Variants in ATP1B1 observed in about 807,000 individuals in gnomAD.
The protein encoded by ATP1B1 is ATPase Na+/K+ transporting subunit beta 1.
In ATP1B1, 3 loss-of-function variants were observed where a neutral mutation model predicts 39.6. That is an observed-to-expected ratio of 0.08 (90% CI 0.03 to 0.20). The LOEUF is 0.20. Among genes scored for constraint, ATP1B1 ranks in the 10% least tolerant of loss-of-function variants. The pLI is 1.00. For missense variants in ATP1B1, 216 were observed against 371.1 expected (o/e 0.58, Z 3.43); for synonymous variants, 139 against 135.0 (o/e 1.03, Z -0.20).
In ATP1B1 at chr1:169,116,081, G is replaced by A. The variant is rs150068364; in HGVS notation, c.226+4583G>A. On this transcript the variant is annotated intron_variant, in intron 2 of 5. Transcript: ENST00000367815. ...CGTGCATGCCCACGGACATGCAAGC[G>A]TGCACACACACGCATGCTCATGGAT... Among the ~76,000 whole-genome samples, 931 of 152,370 alleles carry A rather than the reference G, an allele frequency of 6.1e-3. 10 individuals are homozygous for A. The highest frequency in any genetic ancestry group is 0.021 in the African/African-American group (866 of 41,596).
intron 4 of ATP1B1, among the ~76,000 whole-genome samples, chr1:169,128,362 C>A (rs1658131801): frequency 6.6e-6 from 1 of 152,140 alleles, no homozygotes; most frequent in African/African-American, 2.4e-5. Context: ...TAATTTATTT[C>A]TACAATGCTT....
At chr1:169,116,997 A>G (rs141772813) in intron 2 of ATP1B1, among the ~76,000 whole-genome samples, 28 of 152,246 alleles carry the variant, frequency 1.8e-4, no homozygotes, top group African/African-American at 6.3e-4. Context: ...CCCGCAAACT[A>G]CCTCATACTT....
At chr1:169,121,828 T>C (rs2101786303) in intron 2 of ATP1B1, among the ~76,000 whole-genome samples, 1 of 152,336 alleles carries the variant, frequency 6.6e-6, no homozygotes, top group East Asian at 1.9e-4. Context: ...ATTTTGGCTT[T>C]TGCTGCATCC....
chr1:169,116,986 C>T (rs1482578917), intron 2 of ATP1B1, among the ~76,000 whole-genome samples: 1 of 152,146 alleles, frequency 6.6e-6, no homozygotes, highest in Non-Finnish European at 1.5e-5. Context: ...TTTTTCCACC[C>T]CCCGCAAACT....
At chr1:169,123,693 C>G (rs933270361) in intron 2 of ATP1B1, among the ~76,000 whole-genome samples, 1 of 151,378 alleles carries the variant, frequency 6.6e-6, no homozygotes, top group African/African-American at 2.4e-5. Context: ...GTGGCACGAT[C>G]TTGGCTCACT....
chr1:169,127,752 G>A (rs1476403029), intron 4 of ATP1B1, among the ~76,000 whole-genome samples: 1 of 151,076 alleles, frequency 6.6e-6, no homozygotes, highest in African/African-American at 2.4e-5. Context: ...TTCCCTGGTG[G>A]TCTAGTGGTT....
At chr1:169,111,297 T>C in intron 1 of ATP1B1, 73 bp from the exon 2 acceptor site, 1 of 1,586,432 alleles carries the variant, frequency 6.3e-7, no homozygotes, top group Non-Finnish European at 8.6e-7. Context: ...AGCTTGTTCA[T>C]CCGTGGGAAG....
At chr1:169,119,305 G>A (rs1271358089) in intron 2 of ATP1B1, among the ~76,000 whole-genome samples, 2 of 152,180 alleles carry the variant, frequency 1.3e-5, no homozygotes, top group Non-Finnish European at 2.9e-5. Flanking sequence ...ATGATATATA[G>A]CTTAAGGCAA....
chr1:169,121,730 G>C (rs1657983820), intron 2 of ATP1B1, among the ~76,000 whole-genome samples: 6 of 152,182 alleles, frequency 3.9e-5, no homozygotes, highest in Admixed American at 3.9e-4. Flanking sequence ...GTTTTACCAT[G>C]TTTACTCTCA....
chr1:169,125,546 T>A (rs1410942059), intron 3 of ATP1B1, among the ~76,000 whole-genome samples: 1 of 152,176 alleles, frequency 6.6e-6, no homozygotes, highest in Admixed American at 6.5e-5. Context: ...CAGCTGATCG[T>A]TTTGGATAAG....
chr1:169,107,149 G>A lies in ATP1B1; in HGVS notation c.97+223G>A, dbSNP rs1000430440. Among the ~76,000 whole-genome samples the A allele has an allele frequency of 5.2e-4, 79 of 152,348 alleles. 1 individual carries two copies. The highest frequency in any genetic ancestry group is 1.9e-3 in the African/African-American group (77 of 41,572). ...CAGGGTCGGGGCTGGAACACGACAG[G>A]CGGAAGGTTATGCATATCGTAGCGA... On this transcript the variant is annotated intron_variant, in intron 1 of 5. Coordinates refer to ENST00000367815, the MANE Select transcript of ATP1B1 (RefSeq NM_001677.4).
chr1:169,119,399 T>C (rs554501763), intron 2 of ATP1B1, among the ~76,000 whole-genome samples: 11 of 152,160 alleles, frequency 7.2e-5, no homozygotes, highest in Admixed American at 4.6e-4. Flanking sequence ...AGGGAAAAGG[T>C]TAGATTTGTT....
In ATP1B1 at chr1:169,123,637, G is replaced by GT. The variant is rs563719087; in HGVS notation, c.227-1236dup. ...TCTATCTATCTATCTATATATATAG[G>GT]TTTTTTTTTTTGAGATAGAGTCTCT... is the stretch of plus-strand genomic sequence containing the variant. On this transcript the variant is annotated intron_variant, in intron 2 of 5. Coordinates refer to ENST00000367815, the MANE Select transcript of ATP1B1 (RefSeq NM_001677.4). Among the ~76,000 whole-genome samples, 1,274 of 144,610 alleles carry GT rather than the reference G, an allele frequency of 8.8e-3. 15 individuals carry two copies. Among genetic ancestry groups the GT allele is most frequent in the African/African-American group, 0.028 (1,114 of 39,706 alleles). 94.9% of individuals were successfully genotyped at this position (144,610 alleles called of 152,430 possible). A position where few individuals can be genotyped will look rare whatever the true frequency, so the allele number is the denominator to read the frequency against.
intron 4 of ATP1B1, among the ~76,000 whole-genome samples, chr1:169,128,957 C>G (rs1215736474): frequency 1.3e-5 from 2 of 152,198 alleles, no homozygotes; most frequent in Non-Finnish European, 2.9e-5. Flanking sequence ...CCACCCAAAT[C>G]TCCAACTATT....
At position 169,131,296 on chromosome 1, in the gene ATP1B1, A is replaced by G; in HGVS notation, c.653A>G (p.Asp218Gly). The G allele has an allele frequency of 6.2e-7, 1 of 1,612,602 alleles. No individual in the cohort carries two copies. The highest frequency in any genetic ancestry group is 8.5e-7 in the Non-Finnish European group (1 of 1,178,940). The change falls in exon 6 of 6, where the codon GAT (aspartate) becomes GGT (glycine). Residue 218 changes from aspartate (D) to glycine (G), a missense_variant. Physicochemically the swap from Asp to Gly is moderately conservative, Grantham distance 94 (BLOSUM62 -1). Transcript: ENST00000367815. This position sits in a 1 kb window ranked among gnomAD's most constrained non-coding sequence, Gnocchi z 4.4. ...VLPVQCTGKR[D>G]EDKDKVGNVE... Reference sequence around the variant, plus strand: ...TCATTTCATTCTGGATTTCAGCGAGATGAAGATAAGGATAAAGTTGGAAAT... The same window carrying G: ...TCATTTCATTCTGGATTTCAGCGAGGTGAAGATAAGGATAAAGTTGGAAAT...
At chr1:169,115,351 CT>C (rs536780262) in intron 2 of ATP1B1, among the ~76,000 whole-genome samples, 27,071 of 138,448 alleles carry the variant, frequency 0.2, 2,938 homozygotes, top group African/African-American at 0.33. Flanking sequence ...TTCTTTTTTT[CT>C]TTTTTTTTTT....
intron 2 of ATP1B1, among the ~76,000 whole-genome samples, chr1:169,123,404 T>C (rs116547074): frequency 0.018 from 2,583 of 142,326 alleles, 33 homozygotes; most frequent in Non-Finnish European, 0.028. Flanking sequence ...TGCTGGGAGG[T>C]GGGGGTGGGA....
In ATP1B1 at chr1:169,111,389, C is replaced by T. The variant is rs1657727063; in HGVS notation, c.117C>T (p.Tyr39=). Residue 39 remains tyrosine, a synonymous_variant, in exon 2 of 6, where the codon TAC becomes TAT. Coordinates refer to ENST00000367815, the MANE Select transcript of ATP1B1 (RefSeq NM_001677.4). ...TTGCAGTTAAGATCCTTCTATTCTA[C>T]GTAATATTTTATGGCTGCCTGGCTG... ...GGSWFKILLF[Y]VIFYGCLAGI... is the part of the protein sequence containing the mutation. 4 of 1,614,158 alleles carry T rather than the reference C, an allele frequency of 2.5e-6. No homozygotes were observed. Among genetic ancestry groups the T allele is most frequent in the South Asian group, 2.2e-5 (2 of 91,084 alleles).
chr1:169,121,321 G>A lies in ATP1B1; in HGVS notation c.227-3563G>A, dbSNP rs189198423. 2.3e-3 allele frequency among the ~76,000 whole-genome samples: 344 copies of A among 152,228 alleles called. 1 individual carries two copies. Among genetic ancestry groups the A allele is most frequent in the African/African-American group, 7.9e-3 (327 of 41,538 alleles). ...TAGTCTATCAGTAAACATGAACTTA[G>A]TTTTGGTCATAGCCCCTAGGCTCCT... On this transcript the variant is annotated intron_variant, in intron 2 of 5. Transcript: ENST00000367815.
Sources: allele counts gnomAD v4.1 joint callset (sites outside exome capture counted in the v4.1 genomes callset), GRCh38; gene constraint gnomAD v4.1.1; non-coding constraint Gnocchi (gnomAD v3.1); transcripts MANE v1.5; gene names NCBI Gene and HGNC (gene_info 2026-07-23, HGNC 2026-07-21).